TENM2: variants seen among roughly 807,000 people sequenced by gnomAD.
TENM2 encodes the protein teneurin-2.
Under a neutral mutation model 245.2 loss-of-function variants are expected in TENM2, and 52 were observed. The ratio of observed to expected loss-of-function variants is 0.21; its 90% CI spans 0.17 to 0.27. The LOEUF (loss-of-function observed/expected upper bound fraction) is 0.27. Among genes scored for constraint, TENM2 ranks in the 10% least tolerant of loss-of-function variants. The pLI is 1.00. For synonymous variants in TENM2, 1,363 were observed against 1,438.9 expected, an observed-to-expected ratio of 0.95 and a Z score of 1.19; for missense variants, 3,046 against 3,666.8, an observed-to-expected ratio of 0.83 and a Z score of 4.37.
intron 2 of TENM2, among the ~76,000 whole-genome samples, chr5:167,704,379 A>G (rs971049228): frequency 4.6e-5 from 7 of 152,288 alleles, no homozygotes; most frequent in Middle Eastern, 3.4e-3. Flanking sequence ...ACCATGGCAC[A>G]TCTTATCCAA....
chr5:167,195,162 G>A, the TENM2 span, among the ~76,000 whole-genome samples: 15 of 151,952 alleles, frequency 9.9e-5, no homozygotes, highest in South Asian at 2.1e-4. Flanking sequence ...AAAAGAGCTC[G>A]GTATTCTCAG....
At chr5:167,159,215 T>A in the TENM2 span, among the ~76,000 whole-genome samples, 2 of 151,988 alleles carry the variant, frequency 1.3e-5, no homozygotes, top group Admixed American at 6.6e-5. Context: ...AGTGCTGGGA[T>A]TACAGGCGTG....
the TENM2 span, among the ~76,000 whole-genome samples, chr5:166,997,503 G>C: frequency 6.6e-6 from 1 of 152,180 alleles, no homozygotes; most frequent in Non-Finnish European, 1.5e-5. Flanking sequence ...GGCCCTCCCT[G>C]AAGTACATAC....
At chr5:167,540,524 G>A (rs745341497) in intron 2 of TENM2, among the ~76,000 whole-genome samples, 7 of 152,170 alleles carry the variant, frequency 4.6e-5, no homozygotes, top group Non-Finnish European at 8.8e-5. Flanking sequence ...ATTCGTTTAT[G>A]TACTGTCTGT....
chr5:168,244,370 C>A lies in TENM2; in HGVS notation c.5521-50C>A, dbSNP rs188207679. Reference sequence around the variant, plus strand: ...CCATGTCCTCCACAGAAGCCTGAGCCGGCATGCCTGGGTGATGTCTTTCAA... The same window carrying A: ...CCATGTCCTCCACAGAAGCCTGAGCAGGCATGCCTGGGTGATGTCTTTCAA... On this transcript the variant is annotated intron_variant, in intron 25 of 28. Coordinates refer to ENST00000518659, the Ensembl canonical transcript of TENM2. This position sits in a 1 kb window ranked among gnomAD's most constrained non-coding sequence, Gnocchi z 4.9. The A allele has an allele frequency of 7.1e-7, 1 of 1,409,104 alleles. No homozygotes were observed. The highest frequency in any genetic ancestry group is 9.4e-7 in the Non-Finnish European group (1 of 1,060,776). The allele number at this position is 1,409,104 out of a possible 1,614,324, so 87.3% of individuals were successfully genotyped here.
chr5:167,220,211 C>T, the TENM2 span, among the ~76,000 whole-genome samples: 1 of 152,074 alleles, frequency 6.6e-6, no homozygotes, highest in Non-Finnish European at 1.5e-5. Context: ...TAAGAGGTAT[C>T]CTCTTGGGAG....
intron 3 of TENM2, among the ~76,000 whole-genome samples, chr5:167,911,728 T>C (rs867028927): frequency 6.6e-6 from 1 of 152,176 alleles, no homozygotes; most frequent in Non-Finnish European, 1.5e-5. Flanking sequence ...CGAATATTTA[T>C]TGGTGTTAGC....
intron 2 of TENM2, among the ~76,000 whole-genome samples, chr5:167,762,797 G>T (rs758636858): frequency 7.9e-5 from 12 of 152,196 alleles, no homozygotes; most frequent in Non-Finnish European, 1.6e-4. Flanking sequence ...CATAGAGGTT[G>T]CAAGGCAATC....
intron 2 of TENM2, among the ~76,000 whole-genome samples, chr5:167,470,621 T>A (rs2127509777): frequency 6.6e-6 from 1 of 152,092 alleles, no homozygotes; most frequent in African/African-American, 2.4e-5. Flanking sequence ...CACTAATCCT[T>A]GGAAGTAATG....
chr5:168,125,479 C>T (rs113193892), intron 11 of TENM2, among the ~76,000 whole-genome samples: 37 of 152,192 alleles, frequency 2.4e-4, no homozygotes, highest in Non-Finnish European at 2.2e-4. Context: ...ATAATGAAGT[C>T]GCGCTGTACA....
At chr5:167,704,707 A>T (rs1188540041) in intron 2 of TENM2, among the ~76,000 whole-genome samples, 1 of 152,204 alleles carries the variant, frequency 6.6e-6, no homozygotes, top group Non-Finnish European at 1.5e-5. Flanking sequence ...ATGTGGGTTA[A>T]CTGGTTTTGC....
rs1562077512 is a variant in TENM2 at position 168,034,125 on chromosome 5, A to ATATATATGTATACATATATATGTG, written c.1187-13295_1187-13294insGTATACATATATATGTGTATATAT. On this transcript the variant is annotated intron_variant, in intron 5 of 28. Coordinates refer to ENST00000518659, the Ensembl canonical transcript of TENM2. The stretch of plus-strand genomic sequence containing the variant: ...TATATGTATACATATATATGTGTAT[A>ATATATATGTATACATATATATGTG]TATATATATGTATACATATATATGT... 5.6e-3 allele frequency among the ~76,000 whole-genome samples: 650 copies of ATATATATGTATACATATATATGTG among 115,600 alleles called. 46 individuals carry two copies. Among genetic ancestry groups the ATATATATGTATACATATATATGTG allele is most frequent in the African/African-American group, 0.022 (566 of 25,510 alleles). 75.8% of individuals were successfully genotyped at this position (115,600 alleles called of 152,430 possible). A position where few individuals can be genotyped will look rare whatever the true frequency, so the allele number is the denominator to read the frequency against.
At chr5:167,509,504 C>T (rs755456724) in intron 2 of TENM2, among the ~76,000 whole-genome samples, 4 of 152,042 alleles carry the variant, frequency 2.6e-5, no homozygotes, top group Admixed American at 6.6e-5. Context: ...TTAATTAATG[C>T]GTTTACTTTT....
intron 2 of TENM2, among the ~76,000 whole-genome samples, chr5:167,578,937 A>AGT (rs1774896134): frequency 6.6e-6 from 1 of 152,226 alleles, no homozygotes; most frequent in East Asian, 1.9e-4. Context: ...AAGTAAGTAG[A>AGT]GTGTCATGCT....
intron 2 of TENM2, among the ~76,000 whole-genome samples, chr5:167,440,187 A>AAAT (rs1363047119): frequency 3.9e-5 from 6 of 152,202 alleles, no homozygotes; most frequent in Admixed American, 3.3e-4. Flanking sequence ...CATGTCTCTT[A>AAAT]AATAATATAT....
chr5:168,088,756 C>G (rs758719822), intron 7 of TENM2, among the ~76,000 whole-genome samples: 2 of 152,182 alleles, frequency 1.3e-5, no homozygotes, highest in Non-Finnish European at 2.9e-5. Context: ...AATTCAAACC[C>G]AGGTTTGTCT....
At chr5:166,989,252 CTTTTTTTTTTT>C in the TENM2 span, among the ~76,000 whole-genome samples, 2 of 56,960 alleles carry the variant, frequency 3.5e-5, no homozygotes, top group Non-Finnish European at 5.9e-5. Context: ...CCAAGCTAAT[CTTTTTTTTTTT>C]TTTTTTTTTT....
the TENM2 span, among the ~76,000 whole-genome samples, chr5:167,273,885 G>A: frequency 1.3e-5 from 2 of 152,234 alleles, no homozygotes; most frequent in African/African-American, 2.4e-5. Context: ...GGCCAGGTAT[G>A]TGGCATTGTG....
intron 3 of TENM2, chr5:167,948,954 G>A (rs535746392): frequency 1.3e-5 from 2 of 152,266 alleles, no homozygotes; most frequent in South Asian, 4.1e-4. Context: ...TGTCAGCATT[G>A]TTTGCATTTT....
Sources: allele counts gnomAD v4.1 joint callset (sites outside exome capture counted in the v4.1 genomes callset), GRCh38; gene constraint gnomAD v4.1.1; non-coding constraint Gnocchi (gnomAD v3.1); transcripts MANE v1.5; gene names NCBI Gene and HGNC (gene_info 2026-07-23, HGNC 2026-07-21).